AGAP1: variants seen among roughly 807,000 people sequenced by gnomAD.
AGAP1 encodes arf-GAP with GTPase, ANK repeat and PH domain-containing protein 1.
Under a neutral mutation model 105.3 loss-of-function variants are expected in AGAP1, and 29 were observed. The ratio of observed to expected loss-of-function variants is 0.28; its 90% CI spans 0.21 to 0.38. AGAP1 has a LOEUF of 0.38. AGAP1 is among the 10% of genes least tolerant of loss of function. The probability of loss-of-function intolerance (pLI) is 1.00; values close to 1 mark genes in which losing one functional copy is unlikely to be tolerated. For synonymous variants in AGAP1, 509 were observed against 485.9 expected, an observed-to-expected ratio of 1.05 and a Z score of -0.63; for missense variants, 998 against 1,165.1, an observed-to-expected ratio of 0.86 and a Z score of 2.09.
rs2055074198 is a variant in AGAP1 at position 235,981,110 on chromosome 2, A to C, written c.1645+12487A>C. 6.6e-6 allele frequency among the ~76,000 whole-genome samples: 1 copy of C among 152,180 alleles called. No individual in the cohort carries two copies. Reference sequence around the variant, plus strand: ...GCAAGGCTAAGGAATTAGACACCCCAGAGTATGTGATCACTGTGAGATGTT... The same window carrying C: ...GCAAGGCTAAGGAATTAGACACCCCCGAGTATGTGATCACTGTGAGATGTT... On this transcript the variant is annotated intron_variant, in intron 13 of 17. Transcript: ENST00000304032. This position sits in a 1 kb window ranked among gnomAD's most constrained non-coding sequence, Gnocchi z 5.5.
At chr2:235,715,983 A>G (rs1208638096) in intron 2 of AGAP1, among the ~76,000 whole-genome samples, 1 of 152,206 alleles carries the variant, frequency 6.6e-6, no homozygotes, top group Non-Finnish European at 1.5e-5. Flanking sequence ...GGATGTATAT[A>G]AAGTCCTGGT....
rs1257063034 is a variant in AGAP1 at position 235,664,682 on chromosome 2, A to G, written c.164-44497A>G. 1.3e-5 allele frequency among the ~76,000 whole-genome samples: 2 copies of G among 152,226 alleles called. No individual in the cohort carries two copies. Among genetic ancestry groups the G allele is most frequent in the African/African-American group, 4.8e-5 (2 of 41,452 alleles). ...TTCTCACTGGCCTGTTTAAGTGGAA[A>G]TGAAGTCTCAGTGTGGGGTCCGATG... On this transcript the variant is annotated intron_variant, in intron 1 of 17. Transcript: ENST00000304032. The surrounding 1 kb of genome is among the most constrained non-coding windows in gnomAD (Gnocchi z 5.7).
intron 5 of AGAP1, among the ~76,000 whole-genome samples, chr2:235,749,813 C>G (rs1366691880): frequency 6.6e-6 from 1 of 152,198 alleles, no homozygotes; most frequent in Non-Finnish European, 1.5e-5. Flanking sequence ...GCTTGCCTCT[C>G]TGGCCAACTA....
intron 6 of AGAP1, among the ~76,000 whole-genome samples, chr2:235,771,398 G>C (rs1457315303): frequency 3.9e-5 from 6 of 152,202 alleles, no homozygotes; most frequent in Non-Finnish European, 5.9e-5. Flanking sequence ...CGTGGGCACA[G>C]CTGGGAGCAG....
chr2:235,969,734 G>A (rs920809344), intron 13 of AGAP1, among the ~76,000 whole-genome samples: 1 of 152,182 alleles, frequency 6.6e-6, no homozygotes, highest in Admixed American at 6.5e-5. Flanking sequence ...TGTGCTGTGT[G>A]TTTCCATAAC....
intron 6 of AGAP1, chr2:235,774,587 G>C (rs938631135): frequency 6.6e-6 from 2 of 302,840 alleles, no homozygotes; most frequent in African/African-American, 4.5e-5. Context: ...AATGAAGCCA[G>C]GGCTCTGAAG....
rs549276059 is a variant in AGAP1 at position 235,508,178 on chromosome 2, C to A, written c.163+13329C>A. ...CATGTACCACATTTTCTTTATTCAG[C>A]CCATCGATGGGCATTTTGGTTGATT... On this transcript the variant is annotated intron_variant, in intron 1 of 17. Transcript: ENST00000304032. 4.6e-5 allele frequency among the ~76,000 whole-genome samples: 7 copies of A among 152,296 alleles called. No homozygotes were observed. The East Asian group carries it at 1.4e-3, about 29-fold the overall frequency.
rs1171915215 is a variant in AGAP1 at position 236,056,148 on chromosome 2, C to T, written c.2114+6867C>T. ...GAAAGGTGATTCTAAGAAGATTCTC[C>T]ATGAGGTTAAGTATAATGGGATCTG... On this transcript the variant is annotated intron_variant, in intron 16 of 17. Coordinates refer to ENST00000304032, the MANE Select transcript of AGAP1 (RefSeq NM_001037131.3). The surrounding 1 kb of genome is among the most constrained non-coding windows in gnomAD (Gnocchi z 4.6). Among the ~76,000 whole-genome samples, 1 of 152,082 alleles carries T rather than the reference C, an allele frequency of 6.6e-6. No homozygotes were observed. The highest frequency in any genetic ancestry group is 2.4e-5 in the African/African-American group (1 of 41,404).
At position 235,874,693 on chromosome 2, in the gene AGAP1, C is replaced by A. The variant is rs1210624066; in HGVS notation, c.1051-8652C>A. On this transcript the variant is annotated intron_variant, in intron 9 of 17. Transcript: ENST00000304032. This position sits in a 1 kb window ranked among gnomAD's most constrained non-coding sequence, Gnocchi z 4.5. ...GTCATGTTTCTGGCTTTGCCTTCATCTATTCTGGAAATTTCAAGAGAACCT... is the reference window on the plus strand; with the variant it reads ...GTCATGTTTCTGGCTTTGCCTTCATATATTCTGGAAATTTCAAGAGAACCT... Among the ~76,000 whole-genome samples the A allele has an allele frequency of 6.6e-6, 1 of 152,118 alleles. No homozygotes were observed. Among genetic ancestry groups the A allele is most frequent in the East Asian group, 1.9e-4 (1 of 5,180 alleles).
rs1016133524 is a variant in AGAP1 at position 236,042,174 on chromosome 2, A to C, written c.1891+1333A>C. On this transcript the variant is annotated intron_variant, in intron 15 of 17. Transcript: ENST00000304032. The surrounding 1 kb of genome is among the most constrained non-coding windows in gnomAD (Gnocchi z 5.6). ...GGCCAGACCATTTTGAACATACTGG[A>C]ATAGAGGCAAAGCAGGGAGGAGGCC... Among the ~76,000 whole-genome samples, 1 of 152,092 alleles carries C rather than the reference A, an allele frequency of 6.6e-6. No individual in the cohort carries two copies. Among genetic ancestry groups the C allele is most frequent in the Non-Finnish European group, 1.5e-5 (1 of 68,020 alleles).
chr2:235,675,995 T>G (rs1165765997), intron 1 of AGAP1, among the ~76,000 whole-genome samples: 1 of 152,246 alleles, frequency 6.6e-6, no homozygotes, highest in Non-Finnish European at 1.5e-5. Context: ...ACCTTTTGTT[T>G]GGAGCTGTAA....
At chr2:235,918,177 C>T (rs2125090532) in intron 11 of AGAP1, among the ~76,000 whole-genome samples, 1 of 152,320 alleles carries the variant, frequency 6.6e-6, no homozygotes, top group South Asian at 2.1e-4. Context: ...CGGGAGTTTT[C>T]CACACATTGG....
intron 9 of AGAP1, among the ~76,000 whole-genome samples, chr2:235,811,584 G>A (rs901402580): frequency 1.6e-4 from 24 of 152,088 alleles, no homozygotes; most frequent in Non-Finnish European, 2.6e-4. Context: ...ATTATTCCCC[G>A]TCCCTGGTTC....
chr2:236,040,369 C>T lies in AGAP1; in HGVS notation c.1801-382C>T, dbSNP rs112847977. On this transcript the variant is annotated intron_variant, in intron 14 of 17. Coordinates refer to ENST00000304032, the MANE Select transcript of AGAP1 (RefSeq NM_001037131.3). This position sits in a 1 kb window ranked among gnomAD's most constrained non-coding sequence, Gnocchi z 5.6. ...GAAGCCCTAACCCTGGGCTTATAAA[C>T]GGATTATTTCTTTCTCATTCTTCTT... is the stretch of plus-strand genomic sequence containing the variant. 0.017 allele frequency among the ~76,000 whole-genome samples: 2,532 copies of T among 152,158 alleles called. 79 individuals are homozygous for T. Among genetic ancestry groups the T allele is most frequent in the African/African-American group, 0.057 (2,379 of 41,480 alleles).
intron 6 of AGAP1, among the ~76,000 whole-genome samples, chr2:235,761,555 G>A (rs892034133): frequency 1.9e-4 from 29 of 152,282 alleles, no homozygotes; most frequent in African/African-American, 6.0e-4. Context: ...TTGAATTAGC[G>A]TGATGTATCA....
rs527275158 is a variant in AGAP1, at chr2:236,125,311, G to A, written c.*1189G>A. 1 of 152,776 alleles carries A rather than the reference G, an allele frequency of 6.5e-6. No individual in the cohort carries two copies. Among genetic ancestry groups the A allele is most frequent in the African/African-American group, 2.4e-5 (1 of 41,584 alleles). The allele number at this position is 152,776 out of a possible 1,614,324, so 9.5% of individuals were successfully genotyped here. A position where few individuals can be genotyped will look rare whatever the true frequency, so the allele number is the denominator to read the frequency against. On this transcript the variant is annotated 3_prime_UTR_variant, in exon 18 of 18. Coordinates refer to ENST00000304032, the MANE Select transcript of AGAP1 (RefSeq NM_001037131.3). This position sits in a 1 kb window ranked among gnomAD's most constrained non-coding sequence, Gnocchi z 5.2. Reference sequence around the variant, plus strand: ...TCTTAATTTATAAATTGAACTGGATGTGAACTAATAATGTGCAACTAGTTG... The same window carrying A: ...TCTTAATTTATAAATTGAACTGGATATGAACTAATAATGTGCAACTAGTTG...
Position 235,700,196 on chromosome 2 carries a change from G to A in AGAP1, c.164-8983G>A, listed in dbSNP as rs1299988981. ...TTATTATTTATGCATTAAATATTCC[G>A]AAGCAGCCTCAGCTAATGGAACACA... On this transcript the variant is annotated intron_variant, in intron 1 of 17. Transcript: ENST00000304032. The surrounding 1 kb of genome is among the most constrained non-coding windows in gnomAD (Gnocchi z 6.1). Among the ~76,000 whole-genome samples the A allele has an allele frequency of 6.6e-6, 1 of 152,200 alleles. No individual in the cohort carries two copies. The highest frequency in any genetic ancestry group is 6.5e-5 in the Admixed American group (1 of 15,278).
At chr2:235,804,928 C>T (rs888431966) in intron 8 of AGAP1, among the ~76,000 whole-genome samples, 2 of 152,108 alleles carry the variant, frequency 1.3e-5, no homozygotes, top group African/African-American at 2.4e-5. Context: ...TCCAGCATCA[C>T]GGAAGGATGT....
chr2:235,510,876 G>A (rs1177695233), intron 1 of AGAP1, among the ~76,000 whole-genome samples: 4 of 150,118 alleles, frequency 2.7e-5, no homozygotes, highest in Admixed American at 6.8e-5. Flanking sequence ...TTAGAAGGTC[G>A]CAAAATCCAA....
Sources: gnomAD v4.1 joint callset for allele counts (sites outside exome capture counted in the v4.1 genomes callset) on GRCh38, gnomAD v4.1.1 for gene constraint, Gnocchi (gnomAD v3.1) non-coding constraint, MANE v1.5 for transcripts, NCBI Gene and HGNC (gene_info 2026-07-23, HGNC 2026-07-21) for gene names.